The following TRAPPC9 variants were observed in gnomAD, a reference collection of about 807,000 sequenced individuals.
The protein encoded by TRAPPC9 is trafficking protein particle complex subunit 9.
A neutral mutation model predicts 124.0 loss-of-function variants in TRAPPC9; 83 were observed. The ratio of observed to expected loss-of-function variants is 0.67; its 90% CI spans 0.56 to 0.80. The LOEUF is 0.80. Ranked by LOEUF, TRAPPC9 falls within the 30% of genes least tolerant of loss-of-function variation. The pLI is 0.00. For missense variants in TRAPPC9, 1,302 were observed against 1,508.3 expected (o/e 0.86, Z 2.27); for synonymous variants, 638 against 617.5 (o/e 1.03, Z -0.49).
At chr8:140,115,461 G>T (rs60338212) in intron 17 of TRAPPC9, among the ~76,000 whole-genome samples, 12,826 of 151,986 alleles carry the variant, frequency 0.084, 1,430 homozygotes, top group African/African-American at 0.26. Context: ...TAGAGACGGG[G>T]TTTCACCGTC....
intron 9 of TRAPPC9, among the ~76,000 whole-genome samples, chr8:140,334,116 G>A (rs1481751119): frequency 6.6e-6 from 1 of 152,250 alleles, no homozygotes; most frequent in Non-Finnish European, 1.5e-5. Flanking sequence ...AATCTCTCAT[G>A]TGTAATATGC....
At chr8:140,186,714 T>C (rs981796358) in intron 17 of TRAPPC9, among the ~76,000 whole-genome samples, 4 of 152,208 alleles carry the variant, frequency 2.6e-5, no homozygotes, top group African/African-American at 9.7e-5. Flanking sequence ...CTTAATTAAT[T>C]GAAGCAAGTA....
chr8:140,343,847 GAGAACTAAGT>G (rs2067261885), intron 9 of TRAPPC9, among the ~76,000 whole-genome samples: 1 of 152,142 alleles, frequency 6.6e-6, no homozygotes, highest in Non-Finnish European at 1.5e-5. Flanking sequence ...CATTGTCCCT[GAGAACTAAGT>G]CTTACTTGCA....
intron 17 of TRAPPC9, among the ~76,000 whole-genome samples, chr8:140,058,910 G>A (rs539241398): frequency 2.0e-5 from 3 of 152,270 alleles, no homozygotes; most frequent in Non-Finnish European, 2.9e-5. Flanking sequence ...CTCAGACTCC[G>A]CTGCATACTA....
Position 140,311,388 on chromosome 8 carries a change from G to T in TRAPPC9, c.1496-14C>A. The T allele has an allele frequency of 3.7e-6, 6 of 1,612,920 alleles. No homozygotes were observed. The highest frequency in any genetic ancestry group is 2.2e-5 in the South Asian group (2 of 91,060). ...CATCTTTCTTTTCTGAAGAGAAGATGAAAACAAAATAAAGATGTATTAGGC... is the reference window on the plus strand; with the variant it reads ...CATCTTTCTTTTCTGAAGAGAAGATTAAAACAAAATAAAGATGTATTAGGC... On this transcript the variant is annotated splice_polypyrimidine_tract_variant and intron_variant, in intron 9 of 22. Coordinates refer to ENST00000438773, the MANE Select transcript of TRAPPC9 (RefSeq NM_001160372.4).
chr8:140,043,032 G>A (rs1841367159), intron 17 of TRAPPC9, among the ~76,000 whole-genome samples: 1 of 152,048 alleles, frequency 6.6e-6, no homozygotes, highest in Non-Finnish European at 1.5e-5. Flanking sequence ...CAAGAGTCAG[G>A]GCCCACCGGT....
chr8:140,004,175 C>A (rs1314011285), intron 18 of TRAPPC9, among the ~76,000 whole-genome samples: 1 of 152,100 alleles, frequency 6.6e-6, no homozygotes, highest in African/African-American at 2.4e-5. Flanking sequence ...AGTGTTGCCA[C>A]AACGGTGGGG....
chr8:140,183,382 A>C (rs974733668), intron 17 of TRAPPC9, among the ~76,000 whole-genome samples: 2 of 152,364 alleles, frequency 1.3e-5, no homozygotes, highest in Middle Eastern at 3.4e-3. Flanking sequence ...ATCAAGTCCA[A>C]TGATACAATC....
At chr8:139,750,124 G>T (rs2130190601) in intron 21 of TRAPPC9, among the ~76,000 whole-genome samples, 1 of 152,270 alleles carries the variant, frequency 6.6e-6, no homozygotes, top group Admixed American at 6.5e-5. Flanking sequence ...GGCTGTCCCA[G>T]TGTGGCATAG....
intron 17 of TRAPPC9, among the ~76,000 whole-genome samples, chr8:140,188,893 A>G (rs1450551058): frequency 6.6e-6 from 1 of 152,206 alleles, no homozygotes; most frequent in Non-Finnish European, 1.5e-5. Context: ...CTTCGTTAGT[A>G]GCACACATCC....
Position 140,397,687 on chromosome 8 carries a change from G to T in TRAPPC9, c.1067C>A (p.Ala356Glu). ...TGCTTCCATGCTCCGTTTCTGAATT[G>T]CAAGGACACGTACAGCCTTGATGCA... Reference protein sequence around the residue: ...EACIKAVRVLAIQKRSMEASE... With the variant: ...EACIKAVRVLEIQKRSMEASE... The change falls in exon 7 of 23, where the codon GCA becomes GAA. Residue 356 changes from alanine (A) to glutamate (E), a missense_variant. Ala to Glu is a moderately radical substitution (Grantham distance 107, BLOSUM62 -1). Transcript: ENST00000438773. The T allele has an allele frequency of 6.2e-7, 1 of 1,614,140 alleles. No individual in the cohort carries two copies. The highest frequency in any genetic ancestry group is 8.5e-7 in the Non-Finnish European group (1 of 1,180,010).
At chr8:139,996,347 A>C (rs1837996278) in intron 18 of TRAPPC9, among the ~76,000 whole-genome samples, 1 of 152,122 alleles carries the variant, frequency 6.6e-6, no homozygotes, top group Admixed American at 6.5e-5. Context: ...GCAGCAGAAT[A>C]ATCATACTAC....
chr8:140,315,804 G>A (rs1430214298), intron 9 of TRAPPC9, among the ~76,000 whole-genome samples: 1 of 152,168 alleles, frequency 6.6e-6, no homozygotes, highest in Non-Finnish European at 1.5e-5. Context: ...AGGAAACACT[G>A]TCAAATATGA....
intron 16 of TRAPPC9, among the ~76,000 whole-genome samples, chr8:140,222,297 G>C (rs770842287): frequency 8.5e-5 from 13 of 152,138 alleles, no homozygotes; most frequent in Non-Finnish European, 1.5e-4. Context: ...CTGCCATCTG[G>C]GTTTTTTTCT....
chr8:140,239,561 G>C (rs1201867198), intron 16 of TRAPPC9, among the ~76,000 whole-genome samples: 1 of 152,182 alleles, frequency 6.6e-6, no homozygotes, highest in Non-Finnish European at 1.5e-5. Flanking sequence ...GCTTCCCTTT[G>C]CTCGGGACTC....
chr8:139,883,438 G>C (rs754943249), intron 21 of TRAPPC9, among the ~76,000 whole-genome samples: 9 of 152,262 alleles, frequency 5.9e-5, no homozygotes, highest in Non-Finnish European at 1.2e-4. Flanking sequence ...TAACACAGCA[G>C]GGGGCTGAGC....
chr8:140,351,964 C>A (rs2067595041), intron 9 of TRAPPC9, among the ~76,000 whole-genome samples: 1 of 152,220 alleles, frequency 6.6e-6, no homozygotes, highest in Non-Finnish European at 1.5e-5. Context: ...ACAACCACCA[C>A]AATGTACTAT....
chr8:139,874,735 G>C (rs952800914), intron 21 of TRAPPC9, among the ~76,000 whole-genome samples: 1 of 152,164 alleles, frequency 6.6e-6, no homozygotes, highest in Admixed American at 6.5e-5. Context: ...GCAGTGGGGG[G>C]CCTTCTGAGC....
chr8:139,913,567 C>G (rs1317476247), intron 19 of TRAPPC9, among the ~76,000 whole-genome samples: 2 of 152,316 alleles, frequency 1.3e-5, no homozygotes, highest in East Asian at 3.9e-4. Context: ...GACAGAGACC[C>G]TGAAACTGCA....
Sources: allele counts gnomAD v4.1 joint callset (sites outside exome capture counted in the v4.1 genomes callset), GRCh38; gene constraint gnomAD v4.1.1; transcripts MANE v1.5; gene names NCBI Gene and HGNC (gene_info 2026-07-23, HGNC 2026-07-21).